GABPB2: variants seen among roughly 807,000 people sequenced by gnomAD.
GABPB2 encodes the protein GA binding protein transcription factor subunit beta 2, also known as GA-binding protein subunit beta-2.
GABPB2 carries 23 observed loss-of-function variants against 39.1 expected under a neutral mutation model. The observed-to-expected ratio is 0.59, with a 90% CI of 0.42 to 0.83. The LOEUF is 0.83. Ranked by LOEUF, GABPB2 falls within the 40% of genes least tolerant of loss-of-function variation. The pLI, the probability that GABPB2 is intolerant of heterozygous loss-of-function variation, is 0.00. For missense variants in GABPB2, 467 were observed against 541.1 expected (o/e 0.86, Z 1.36); for synonymous variants, 184 against 199.3 (o/e 0.92, Z 0.65).
Position 151,123,467 on chromosome 1 carries a change from A to AAAT in GABPB2, c.*5213_*5214insTAA, listed in dbSNP as rs1189228938. On this transcript the variant is annotated 3_prime_UTR_variant, in exon 9 of 9. Transcript: ENST00000368918. Reference sequence around the variant, plus strand: ...GAGACTCTGTCTCAAAAAAAAAAAAAAAAGAAGGAAAGAAAGAAAAAACAG... The same window carrying AAAT: ...GAGACTCTGTCTCAAAAAAAAAAAAAAATAAAGAAGGAAAGAAAGAAAAAACAG... 1 of 152,236 alleles carries AAAT rather than the reference A, an allele frequency of 6.6e-6. No individual in the cohort carries two copies. The highest frequency in any genetic ancestry group is 1.5e-5 in the Non-Finnish European group (1 of 68,188). 9.4% of individuals were successfully genotyped at this position (152,236 alleles called of 1,614,324 possible).
At chr1:151,091,138 A>G (rs587650202) in intron 3 of GABPB2, among the ~76,000 whole-genome samples, 1 of 151,410 alleles carries the variant, frequency 6.6e-6, no homozygotes, top group African/African-American at 2.4e-5. Context: ...CCCAGGCTGA[A>G]GTGCAGTGGC....
intron 6 of GABPB2, 58 bp downstream of exon 6, chr1:151,103,733 C>T (rs1679722473): frequency 9.1e-7 from 1 of 1,103,588 alleles, no homozygotes; most frequent in East Asian, 2.4e-5. Context: ...TTTTAAGTCT[C>T]CAGCAGATTT....
At chr1:151,094,733 G>A (rs1236905742) in intron 4 of GABPB2, among the ~76,000 whole-genome samples, 2 of 150,494 alleles carry the variant, frequency 1.3e-5, no homozygotes, top group East Asian at 2.0e-4. Context: ...TGGGCCAGGC[G>A]TGGTGGCTCA....
At position 151,119,366 on chromosome 1, in the gene GABPB2, T is replaced by A. The variant is rs1681089962; in HGVS notation, c.*1110T>A. 1 of 152,286 alleles carries A rather than the reference T, an allele frequency of 6.6e-6. No individual in the cohort carries two copies. Among genetic ancestry groups the A allele is most frequent in the African/African-American group, 2.4e-5 (1 of 41,428 alleles). 9.4% of individuals were successfully genotyped at this position (152,286 alleles called of 1,614,324 possible). A position where few individuals can be genotyped will look rare whatever the true frequency, so the allele number is the denominator to read the frequency against. ...GCTCACGCCTGTAATCCCAACACTT[T>A]GGGAGGCCGAGGCGGGCGGATCACG... On this transcript the variant is annotated 3_prime_UTR_variant, in exon 9 of 9. Transcript: ENST00000368918.
intron 1 of GABPB2, among the ~76,000 whole-genome samples, chr1:151,074,404 G>A (rs1367379727): frequency 6.7e-6 from 1 of 149,176 alleles, no homozygotes; most frequent in Non-Finnish European, 1.5e-5. Context: ...TCCACTTCCT[G>A]GGTTCACGCC....
At chr1:151,113,617 G>A (rs1401345817) in intron 7 of GABPB2, among the ~76,000 whole-genome samples, 2 of 152,110 alleles carry the variant, frequency 1.3e-5, no homozygotes, top group East Asian at 1.9e-4. Flanking sequence ...ATTCAGTACA[G>A]TTCTAAGAAA....
intron 4 of GABPB2, among the ~76,000 whole-genome samples, chr1:151,094,772 C>T (rs1355008677): frequency 4.7e-5 from 7 of 148,884 alleles, no homozygotes; most frequent in African/African-American, 1.5e-4. Flanking sequence ...TTTGGGAGGC[C>T]GAGGCAGGTG....
intron 1 of GABPB2, among the ~76,000 whole-genome samples, chr1:151,079,496 A>AT (rs1260811913): frequency 2.6e-5 from 4 of 152,160 alleles, no homozygotes; most frequent in African/African-American, 9.6e-5. Context: ...AGCCATGATT[A>AT]TGCCACTGCA....
intron 7 of GABPB2, among the ~76,000 whole-genome samples, chr1:151,113,515 C>G (rs1442021015): frequency 6.6e-6 from 1 of 151,592 alleles, no homozygotes; most frequent in African/African-American, 2.4e-5. Flanking sequence ...CATGAGCTAC[C>G]GTGTCTGGCC....
chr1:151,097,313 G>A (rs183859156), intron 4 of GABPB2, among the ~76,000 whole-genome samples: 1 of 152,158 alleles, frequency 6.6e-6, no homozygotes, highest in East Asian at 1.9e-4. Context: ...CCTGAAGTAG[G>A]AACAAGCTTT....
At chr1:151,098,208 T>C (rs1296367219) in intron 5 of GABPB2, among the ~76,000 whole-genome samples, 1 of 152,148 alleles carries the variant, frequency 6.6e-6, no homozygotes, top group Non-Finnish European at 1.5e-5. Context: ...GGAATACTTA[T>C]TGTGTTAAAA....
chr1:151,109,924 C>T (rs867511996), intron 7 of GABPB2, among the ~76,000 whole-genome samples: 2 of 150,512 alleles, frequency 1.3e-5, no homozygotes, highest in East Asian at 1.9e-4. Flanking sequence ...CTGCAGTCTC[C>T]GCCTTCCGGG....
chr1:151,090,797 G>A lies in GABPB2; in HGVS notation c.276+224G>A, dbSNP rs181447329. On this transcript the variant is annotated intron_variant, in intron 3 of 8. Coordinates refer to ENST00000368918, the MANE Select transcript of GABPB2 (RefSeq NM_144618.3). ...TCACAAGGTCAGGAATTCGAGACCA[G>A]CCAGACCAACATGGTGAAACCCCAT... Among the ~76,000 whole-genome samples the A allele has an allele frequency of 6.6e-5, 10 of 151,842 alleles. No homozygotes were observed. The East Asian group carries it at 2.0e-3, about 30-fold the overall frequency.
intron 1 of GABPB2, among the ~76,000 whole-genome samples, chr1:151,077,536 T>C (rs587654176): frequency 3.3e-5 from 5 of 151,926 alleles, no homozygotes; most frequent in African/African-American, 1.2e-4. Flanking sequence ...TTTGTATTTT[T>C]AGTAGACACA....
At position 151,125,388 on chromosome 1, in the gene GABPB2, CTTTA is replaced by C. The variant is rs1370835132; in HGVS notation, c.*7137_*7140del. 3 of 151,928 alleles carry C rather than the reference CTTTA, an allele frequency of 2.0e-5. No homozygotes were observed. Among genetic ancestry groups the C allele is most frequent in the South Asian group, 2.1e-4 (1 of 4,830 alleles). 9.4% of individuals were successfully genotyped at this position (151,928 alleles called of 1,614,324 possible). On this transcript the variant is annotated 3_prime_UTR_variant, in exon 9 of 9. Transcript: ENST00000368918. ...TTTTTAGAAAAACTTAAATATACTTCTTTATTTAGGGTTTTATTCTGATGAGCAA... is the reference window on the plus strand; with the variant it reads ...TTTTTAGAAAAACTTAAATATACTTCTTTAGGGTTTTATTCTGATGAGCAA...
chr1:151,122,664 G>GCCCTTCTGACTATA lies in GABPB2; in HGVS notation c.*4410_*4423dup, dbSNP rs1681223990. The GCCCTTCTGACTATA allele has an allele frequency of 6.6e-6, 1 of 152,160 alleles. No homozygotes were observed. Among genetic ancestry groups the GCCCTTCTGACTATA allele is most frequent in the Non-Finnish European group, 1.5e-5 (1 of 68,020 alleles). 9.4% of individuals were successfully genotyped at this position (152,160 alleles called of 1,614,324 possible). A position where few individuals can be genotyped will look rare whatever the true frequency, so the allele number is the denominator to read the frequency against. ...AAGGCAGAGAATGTCCATCCAACAT[G>GCCCTTCTGACTATA]CCCTTCTGACTATACAGTCACCACT... On this transcript the variant is annotated 3_prime_UTR_variant, in exon 9 of 9. Transcript: ENST00000368918.
At chr1:151,114,430 G>C (rs1680696773) in intron 7 of GABPB2, among the ~76,000 whole-genome samples, 1 of 152,048 alleles carries the variant, frequency 6.6e-6, no homozygotes, top group Admixed American at 6.6e-5. Flanking sequence ...ATGGGAAATA[G>C]GGCCGGGCTC....
chr1:151,121,792 G>T lies in GABPB2; in HGVS notation c.*3536G>T, dbSNP rs1681192286. ...AGCATGGAGTTTTTCCCAAAGAAAG[G>T]GAATATGGATGGAGAGAGAGAGGTT... On this transcript the variant is annotated 3_prime_UTR_variant, in exon 9 of 9. Transcript: ENST00000368918. 6.6e-6 allele frequency: 1 copy of T among 152,198 alleles called. No homozygotes were observed. Among genetic ancestry groups the T allele is most frequent in the South Asian group, 2.1e-4 (1 of 4,832 alleles). 9.4% of individuals were successfully genotyped at this position (152,198 alleles called of 1,614,324 possible). A position where few individuals can be genotyped will look rare whatever the true frequency, so the allele number is the denominator to read the frequency against.
intron 1 of GABPB2, among the ~76,000 whole-genome samples, chr1:151,080,544 T>TA (rs200721123): frequency 0.011 from 1,595 of 147,282 alleles, 30 homozygotes; most frequent in African/African-American, 0.038. Flanking sequence ...AATAAATAAA[T>TA]AAATAAAATA....
Sources: allele counts gnomAD v4.1 joint callset (sites outside exome capture counted in the v4.1 genomes callset), GRCh38; gene constraint gnomAD v4.1.1; transcripts MANE v1.5; gene names NCBI Gene and HGNC (gene_info 2026-07-23, HGNC 2026-07-21).